The following PKIB variants were observed in gnomAD, a reference collection of about 807,000 sequenced individuals.
The protein encoded by PKIB is cAMP-dependent protein kinase inhibitor beta, also known as PKI-beta.
Under a neutral mutation model 4.5 loss-of-function variants are expected in PKIB, and 2 were observed. The ratio of observed to expected loss-of-function variants is 0.44; its 90% CI spans 0.18 to 1.39. The LOEUF (loss-of-function observed/expected upper bound fraction) is 1.39. Ranked by LOEUF, PKIB falls within the 40% of genes most tolerant of loss-of-function variation. PKIB has a pLI of 0.27. For missense variants in PKIB, 94 were observed against 92.6 expected (o/e 1.02, Z -0.06); for synonymous variants, 38 against 36.0 (o/e 1.06, Z -0.20).
chr6:122,720,881 T>C (rs1386884453), intron 4 of PKIB, among the ~76,000 whole-genome samples: 1 of 152,126 alleles, frequency 6.6e-6, no homozygotes, highest in Non-Finnish European at 1.5e-5. Context: ...TTTGTATTTT[T>C]AGTAGAAACG....
At chr6:122,599,640 C>T (rs1460212471) in intron 3 of PKIB, among the ~76,000 whole-genome samples, 2 of 152,152 alleles carry the variant, frequency 1.3e-5, no homozygotes, top group South Asian at 2.1e-4. Flanking sequence ...AACCAACCAG[C>T]TTCATTATGT....
intron 2 of PKIB, among the ~76,000 whole-genome samples, chr6:122,520,340 C>A (rs565993416): frequency 6.6e-6 from 1 of 152,154 alleles, no homozygotes; most frequent in South Asian, 2.1e-4. Flanking sequence ...TTTGATAAGC[C>A]TTTGGAGTAA....
rs530518176 is a variant in PKIB, at chr6:122,491,900, T to C, written c.-248+13961T>C. On this transcript the variant is annotated intron_variant, in intron 2 of 6. Coordinates refer to the PKIB transcript ENST00000392491. ...TAAAGCTACTCGGTAAAAATAAATA[T>C]GTTGTTTTTACAGTCAGCAAATTTT... 2.1e-4 allele frequency among the ~76,000 whole-genome samples: 32 copies of C among 152,332 alleles called. 1 individual carries two copies. The East Asian group carries it at 3.5e-3, about 17-fold the overall frequency.
At chr6:122,550,442 T>G (rs1428803079) in intron 2 of PKIB, among the ~76,000 whole-genome samples, 1 of 152,238 alleles carries the variant, frequency 6.6e-6, no homozygotes, top group Non-Finnish European at 1.5e-5. Flanking sequence ...AGAAATTTAT[T>G]AAAATTACAT....
At chr6:122,722,162 A>G (rs1779770686) in intron 4 of PKIB, among the ~76,000 whole-genome samples, 1 of 152,194 alleles carries the variant, frequency 6.6e-6, no homozygotes, top group Admixed American at 6.5e-5. Context: ...TTAACATCAC[A>G]ATACAAAATG....
At chr6:122,486,958 A>G (rs77761550) in intron 2 of PKIB, among the ~76,000 whole-genome samples, 1 of 147,374 alleles carries the variant, frequency 6.8e-6, no homozygotes, top group East Asian at 2.0e-4. Flanking sequence ...TCTAACTACT[A>G]TTTTCTGAAT....
intron 2 of PKIB, among the ~76,000 whole-genome samples, chr6:122,499,654 C>G (rs1776166422): frequency 6.6e-6 from 1 of 152,154 alleles, no homozygotes; most frequent in African/African-American, 2.4e-5. Context: ...TGGAACAAGA[C>G]AAGGATGCCC....
intron 2 of PKIB, among the ~76,000 whole-genome samples, chr6:122,526,562 CA>C (rs997760626): frequency 6.6e-6 from 1 of 152,076 alleles, no homozygotes; most frequent in African/African-American, 2.4e-5. Flanking sequence ...GGAGTATTGT[CA>C]ATGAACAGTA....
chr6:122,725,960 C>T lies in PKIB; in HGVS notation c.*765C>T, dbSNP rs1779936977. 6.6e-6 allele frequency: 1 copy of T among 152,064 alleles called. No individual in the cohort carries two copies. The highest frequency in any genetic ancestry group is 2.4e-5 in the African/African-American group (1 of 41,418). 9.4% of individuals were successfully genotyped at this position (152,064 alleles called of 1,614,324 possible). ...TATACAAAATACTAGTTGTTTTACA[C>T]TCTCTTTTCTTATTCTTAGGGCTTT... On this transcript the variant is annotated 3_prime_UTR_variant, in exon 5 of 5. Coordinates refer to ENST00000368452, the MANE Select transcript of PKIB (RefSeq NM_181795.3).
chr6:122,549,884 T>TTG (rs1554219499), intron 2 of PKIB, among the ~76,000 whole-genome samples: 1 of 145,898 alleles, frequency 6.9e-6, no homozygotes, highest in Non-Finnish European at 1.5e-5. Context: ...ATATATAATT[T>TTG]TATATATACA....
At chr6:122,680,405 C>A (rs1777852223) in intron 3 of PKIB, among the ~76,000 whole-genome samples, 1 of 152,154 alleles carries the variant, frequency 6.6e-6, no homozygotes, top group Non-Finnish European at 1.5e-5. Flanking sequence ...TGGGGGAGGA[C>A]CCTCTCTGAA....
chr6:122,555,933 A>G (rs1157329658), intron 2 of PKIB, among the ~76,000 whole-genome samples: 1 of 152,218 alleles, frequency 6.6e-6, no homozygotes, highest in Non-Finnish European at 1.5e-5. Context: ...CCTTGGTGAA[A>G]CTTATTGTGG....
At chr6:122,639,935 C>T (rs1260812598) in intron 2 of PKIB, among the ~76,000 whole-genome samples, 2 of 151,970 alleles carry the variant, frequency 1.3e-5, no homozygotes, top group East Asian at 3.9e-4. Context: ...GGGAAGGGTT[C>T]GCCTGAAGAC....
At chr6:122,475,955 C>T (rs1775442448) in intron 1 of PKIB, among the ~76,000 whole-genome samples, 1 of 152,124 alleles carries the variant, frequency 6.6e-6, no homozygotes, top group African/African-American at 2.4e-5. Context: ...ACACAAATCT[C>T]TGTATAAACT....
At chr6:122,708,010 G>A (rs1779131186) in intron 3 of PKIB, among the ~76,000 whole-genome samples, 1 of 152,102 alleles carries the variant, frequency 6.6e-6, no homozygotes, top group African/African-American at 2.4e-5. Flanking sequence ...TTTATTGAGT[G>A]CTTGCTGAAT....
chr6:122,715,962 G>C (rs1779475800), intron 3 of PKIB, among the ~76,000 whole-genome samples: 1 of 152,028 alleles, frequency 6.6e-6, no homozygotes, highest in South Asian at 2.1e-4. Context: ...CACAAAGCAA[G>C]GGTCATACTT....
intron 2 of PKIB, among the ~76,000 whole-genome samples, chr6:122,654,427 C>T (rs1330645084): frequency 6.6e-6 from 1 of 152,182 alleles, no homozygotes; most frequent in African/African-American, 2.4e-5. Flanking sequence ...AGTTGTCCTT[C>T]CTGCCATTTC....
At chr6:122,681,724 T>C (rs1777902585) in intron 3 of PKIB, among the ~76,000 whole-genome samples, 2 of 152,234 alleles carry the variant, frequency 1.3e-5, no homozygotes. Flanking sequence ...ATGTCACAGC[T>C]TTATTGCACT....
intron 3 of PKIB, among the ~76,000 whole-genome samples, chr6:122,717,354 G>A (rs1779539938): frequency 1.3e-5 from 2 of 152,044 alleles, no homozygotes; most frequent in Admixed American, 1.3e-4. Context: ...TGTTTTGTTT[G>A]GTCTCTACAA....
Sources: allele counts gnomAD v4.1 joint callset (sites outside exome capture counted in the v4.1 genomes callset), GRCh38; gene constraint gnomAD v4.1.1; transcripts MANE v1.5; gene names NCBI Gene and HGNC (gene_info 2026-07-23, HGNC 2026-07-21).